LHFPL3: variants seen among roughly 807,000 people sequenced by gnomAD.
The protein encoded by LHFPL3 is LHFPL tetraspan subfamily member 3 protein.
In LHFPL3, 5 loss-of-function variants were observed where a neutral mutation model predicts 19.3. The observed-to-expected ratio is 0.26, with a 90% CI of 0.14 to 0.54. LHFPL3 has a LOEUF of 0.54. LHFPL3 is among the 20% of genes least tolerant of loss of function. The pLI is 0.94. For synonymous variants in LHFPL3, 133 were observed against 126.2 expected (o/e 1.05, Z -0.36); for missense variants, 249 against 307.4 (o/e 0.81, Z 1.42).
chr7:104,450,565 G>T (rs1322690727), intron 1 of LHFPL3, among the ~76,000 whole-genome samples: 1 of 152,004 alleles, frequency 6.6e-6, no homozygotes, highest in Non-Finnish European at 1.5e-5. Flanking sequence ...ACACACCAGG[G>T]CCTGACAGGG....
At chr7:104,390,870 G>A (rs1169940839) in intron 1 of LHFPL3, among the ~76,000 whole-genome samples, 2 of 152,036 alleles carry the variant, frequency 1.3e-5, no homozygotes, top group Non-Finnish European at 2.9e-5. Flanking sequence ...TTTAATGATC[G>A]CCATTCTAAC....
intron 2 of LHFPL3, among the ~76,000 whole-genome samples, chr7:104,762,403 G>A (rs1395847934): frequency 6.6e-6 from 1 of 152,190 alleles, no homozygotes; most frequent in East Asian, 1.9e-4. Context: ...AAATTAGATA[G>A]CTGTGCAGGC....
chr7:104,579,375 A>C (rs981491448), intron 1 of LHFPL3, among the ~76,000 whole-genome samples: 6 of 152,148 alleles, frequency 3.9e-5, no homozygotes, highest in Non-Finnish European at 8.8e-5. Flanking sequence ...AGGGGCACCC[A>C]ATATTTAGCT....
chr7:104,643,707 C>T (rs1791879106), intron 1 of LHFPL3, among the ~76,000 whole-genome samples: 1 of 152,154 alleles, frequency 6.6e-6, no homozygotes, highest in South Asian at 2.1e-4. Flanking sequence ...AAAAGCTCCC[C>T]AGATGATTCT....
At chr7:104,503,137 C>G (rs980290764) in intron 1 of LHFPL3, among the ~76,000 whole-genome samples, 3 of 151,140 alleles carry the variant, frequency 2.0e-5, no homozygotes, top group African/African-American at 7.3e-5. Flanking sequence ...AACCAAAATA[C>G]CTCCTAATAG....
intron 1 of LHFPL3, among the ~76,000 whole-genome samples, chr7:104,373,671 G>T (rs1030810661): frequency 6.6e-6 from 1 of 152,030 alleles, no homozygotes; most frequent in Admixed American, 6.6e-5. Flanking sequence ...TCAGAAAGGC[G>T]GGAAAAACTC....
intron 1 of LHFPL3, among the ~76,000 whole-genome samples, chr7:104,368,354 C>CA (rs200630529): frequency 2.4e-4 from 36 of 151,338 alleles, no homozygotes; most frequent in African/African-American, 5.3e-4. Context: ...ATGAGGGAGA[C>CA]AAAAAAAAGG....
chr7:104,730,409 G>T (rs1793677846), intron 1 of LHFPL3, among the ~76,000 whole-genome samples: 1 of 152,154 alleles, frequency 6.6e-6, no homozygotes, highest in Non-Finnish European at 1.5e-5. Context: ...AGCACCTGTT[G>T]TTTCCTGACT....
chr7:104,381,865 C>T (rs185864746), intron 1 of LHFPL3, among the ~76,000 whole-genome samples: 1 of 152,294 alleles, frequency 6.6e-6, no homozygotes, highest in East Asian at 1.9e-4. Flanking sequence ...ACTGCTTCCA[C>T]TGAAACAGAA....
intron 1 of LHFPL3, among the ~76,000 whole-genome samples, chr7:104,727,759 C>G (rs757272567): frequency 7.9e-5 from 12 of 151,868 alleles, no homozygotes; most frequent in Non-Finnish European, 1.6e-4. Context: ...GAAAAAAAAA[C>G]TTGGAGTCAT....
chr7:104,606,667 C>G (rs1456506780), intron 1 of LHFPL3, among the ~76,000 whole-genome samples: 2 of 152,158 alleles, frequency 1.3e-5, no homozygotes, highest in Non-Finnish European at 2.9e-5. Context: ...TCCACTGAAA[C>G]CTCAGCATTG....
At chr7:104,621,444 C>T (rs1372902094) in intron 1 of LHFPL3, among the ~76,000 whole-genome samples, 2 of 152,208 alleles carry the variant, frequency 1.3e-5, no homozygotes, top group African/African-American at 4.8e-5. Flanking sequence ...TCCATTCCAC[C>T]AGACTCATAC....
intron 2 of LHFPL3, among the ~76,000 whole-genome samples, chr7:104,760,400 A>C (rs147435798): frequency 1.1e-3 from 163 of 152,282 alleles, no homozygotes; most frequent in African/African-American, 3.8e-3. Flanking sequence ...TATTAAACAT[A>C]AGTATAGCAT....
At chr7:104,431,501 T>C (rs908734048) in intron 1 of LHFPL3, among the ~76,000 whole-genome samples, 1 of 152,212 alleles carries the variant, frequency 6.6e-6, no homozygotes, top group African/African-American at 2.4e-5. Context: ...CAGTACACTT[T>C]TCTCACTTAT....
chr7:104,470,203 G>A, intron 1 of LHFPL3: 8 of 387,974 alleles, frequency 2.1e-5, no homozygotes, highest in Admixed American at 8.7e-5. Context: ...AGCAAGAAAT[G>A]GAAAAAAATG....
intron 1 of LHFPL3, among the ~76,000 whole-genome samples, chr7:104,713,768 T>A (rs182260196): frequency 6.8e-4 from 103 of 152,330 alleles, no homozygotes; most frequent in African/African-American, 2.2e-3. Context: ...CAGCCTCGAT[T>A]ATAAGAAAGC....
intron 2 of LHFPL3, among the ~76,000 whole-genome samples, chr7:104,835,986 T>TAA: frequency 6.6e-6 from 1 of 152,014 alleles, no homozygotes; most frequent in Admixed American, 6.5e-5. Context: ...TTAGAAAGTA[T>TAA]AAAGTGCTAT....
intron 1 of LHFPL3, among the ~76,000 whole-genome samples, chr7:104,531,216 C>A (rs1436187323): frequency 3.3e-5 from 5 of 152,184 alleles, no homozygotes; most frequent in Non-Finnish European, 7.3e-5. Flanking sequence ...TTTCCCTCCA[C>A]AACCCTCTCT....
chr7:104,566,226 C>G (rs1451179111), intron 1 of LHFPL3, among the ~76,000 whole-genome samples: 1 of 152,130 alleles, frequency 6.6e-6, no homozygotes, highest in African/African-American at 2.4e-5. Context: ...TGGCATGCAC[C>G]TGTAGTCCTA....
Sources: gnomAD v4.1 joint callset for allele counts (sites outside exome capture counted in the v4.1 genomes callset) on GRCh38, gnomAD v4.1.1 for gene constraint, MANE v1.5 for transcripts, NCBI Gene and HGNC (gene_info 2026-07-23, HGNC 2026-07-21) for gene names.